The following LIPC variants were observed in gnomAD, a reference collection of about 807,000 sequenced individuals.
LIPC encodes the protein hepatic triacylglycerol lipase.
In LIPC, 44 loss-of-function variants were observed where a neutral mutation model predicts 50.7. The ratio of observed to expected loss-of-function variants is 0.87; its 90% confidence interval spans 0.68 to 1.11. The LOEUF (loss-of-function observed/expected upper bound fraction) is 1.11. Ranked by LOEUF, LIPC falls within the 50% of genes most tolerant of loss-of-function variation. LIPC has a pLI of 0.00. For synonymous variants in LIPC, 271 were observed against 256.4 expected, an observed-to-expected ratio of 1.06 and a Z score of -0.54; for missense variants, 697 against 648.2, an observed-to-expected ratio of 1.08 and a Z score of -0.82.
intron 2 of LIPC, among the ~76,000 whole-genome samples, chr15:58,540,404 G>T (rs1893280880): frequency 6.6e-6 from 1 of 151,690 alleles, no homozygotes; most frequent in African/African-American, 2.4e-5. Context: ...AACAATCCTG[G>T]AAGGAGAGCA....
At chr15:58,565,913 C>CAA (rs55871337) in intron 8 of LIPC, 190,808 of 905,036 alleles carry the variant, frequency 0.21, 6,534 homozygotes, top group East Asian at 0.48. Flanking sequence ...TCGGAGAATA[C>CAA]AAAAAAAAAA....
intron 1 of LIPC, among the ~76,000 whole-genome samples, chr15:58,506,082 T>C (rs910979702): frequency 4.6e-5 from 7 of 152,174 alleles, no homozygotes; most frequent in African/African-American, 1.2e-4. Flanking sequence ...GTCTCTGTGG[T>C]GTGTGCCCCA....
intron 4 of LIPC, among the ~76,000 whole-genome samples, chr15:58,542,952 T>G (rs1401980389): frequency 6.6e-6 from 1 of 152,226 alleles, no homozygotes; most frequent in African/African-American, 2.4e-5. Context: ...TCTTATTTTT[T>G]AATCTATAAT....
chr15:58,544,783 G>C (rs542190029), intron 4 of LIPC, among the ~76,000 whole-genome samples: 1 of 152,302 alleles, frequency 6.6e-6, no homozygotes. Context: ...CCCCCAAGTA[G>C]GGAAGGAAAC....
chr15:58,558,476 T>A (rs1313713228), intron 6 of LIPC, among the ~76,000 whole-genome samples: 1 of 151,908 alleles, frequency 6.6e-6, no homozygotes, highest in Non-Finnish European at 1.5e-5. Context: ...ACAGCAGGGG[T>A]CCCCAACCCC....
chr15:58,437,020 T>G, intron 1 of LIPC: 1 of 372,262 alleles, frequency 2.7e-6, no homozygotes, highest in South Asian at 2.1e-5. Flanking sequence ...ACCACTGAAG[T>G]TGGGGACTCC....
chr15:58,542,447 C>A, intron 3 of LIPC, 87 bp from the exon 4 acceptor site: 1 of 856,116 alleles, frequency 1.2e-6, no homozygotes, highest in South Asian at 1.3e-5. Context: ...GCACGAAGAA[C>A]AGGGTGGGCG....
At chr15:58,445,071 GGCTGGCCGGCC>G (rs1325023638) in intron 1 of LIPC, among the ~76,000 whole-genome samples, 1 of 152,252 alleles carries the variant, frequency 6.6e-6, no homozygotes, top group Non-Finnish European at 1.5e-5. Context: ...CACAGGAGCC[GGCTGGCCGGCC>G]GCTAGCAGGG....
At chr15:58,494,965 A>C (rs983082926) in intron 1 of LIPC, 16 of 438,942 alleles carry the variant, frequency 3.6e-5, no homozygotes, top group Middle Eastern at 3.4e-4. Context: ...CCCAGCCCTC[A>C]TGTCATTGAT....
chr15:58,474,191 C>G (rs1160889175), intron 1 of LIPC, among the ~76,000 whole-genome samples: 1 of 152,142 alleles, frequency 6.6e-6, no homozygotes, highest in Non-Finnish European at 1.5e-5. Context: ...GCATCTCACC[C>G]CTGGGAAGTG....
chr15:58,561,050 T>C (rs1456498456), intron 7 of LIPC, 69 bp downstream of exon 7: 3 of 850,462 alleles, frequency 3.5e-6, no homozygotes, highest in East Asian at 2.4e-5. Context: ...AAATGGACTC[T>C]GTAATTTTCA....
intron 8 of LIPC, chr15:58,565,614 GCTCAAAATTGT>G: frequency 9.3e-7 from 1 of 1,070,504 alleles, no homozygotes; most frequent in Non-Finnish European, 1.1e-6. Context: ...TGAGGACATT[GCTCAAAATTGT>G]CCCAGTCCAG....
At position 58,545,966 on chromosome 15, in the gene LIPC, G is replaced by T. The variant is rs540524619; in HGVS notation, c.799G>T (p.Gly267Cys). 31 of 1,612,672 alleles carry T rather than the reference G, an allele frequency of 1.9e-5. 1 individual carries two copies. The Admixed American group carries it at 4.0e-4, about 21-fold the overall frequency. ...GCTCTACAGACATATTGCCCAGCAC[G>T]GCTTCAATGGTGAGAATGAAGTCAT... ...LELYRHIAQH[G>C]FNAITQTIKC... is the part of the protein sequence containing the mutation. The change falls in exon 5 of 9, where the codon GGC becomes TGC. Residue 267 changes from glycine to cysteine, a missense_variant. Gly to Cys is a radical substitution (Grantham distance 159). Coordinates refer to ENST00000299022, the MANE Select transcript of LIPC (RefSeq NM_000236.3).
At chr15:58,491,707 C>G (rs1475501027) in intron 1 of LIPC, among the ~76,000 whole-genome samples, 1 of 152,214 alleles carries the variant, frequency 6.6e-6, no homozygotes, top group Non-Finnish European at 1.5e-5. Flanking sequence ...ACTTCTGGGA[C>G]AAGAGTCAAA....
At chr15:58,496,777 C>T (rs540438932) in intron 1 of LIPC, among the ~76,000 whole-genome samples, 2 of 97,258 alleles carry the variant, frequency 2.1e-5, no homozygotes, top group Non-Finnish European at 4.4e-5. Flanking sequence ...TGGAGTCTCC[C>T]TCTGTCACCC....
intron 1 of LIPC, among the ~76,000 whole-genome samples, chr15:58,519,419 A>AAG (rs1892586891): frequency 6.8e-6 from 1 of 147,680 alleles, no homozygotes. Context: ...TCAAAAAAAA[A>AAG]AAAAAGAAAA....
chr15:58,447,962 A>G (rs758084649), intron 1 of LIPC, among the ~76,000 whole-genome samples: 7 of 152,174 alleles, frequency 4.6e-5, no homozygotes, highest in African/African-American at 1.7e-4. Context: ...CTCAAATCCA[A>G]CTGGATATCC....
chr15:58,548,974 A>C (rs1287644071), intron 6 of LIPC, among the ~76,000 whole-genome samples: 1 of 152,192 alleles, frequency 6.6e-6, no homozygotes, highest in East Asian at 1.9e-4. Flanking sequence ...GCCCCCATGA[A>C]AAAACTGGAT....
chr15:58,513,535 C>T (rs1892396560), intron 1 of LIPC, among the ~76,000 whole-genome samples: 1 of 152,124 alleles, frequency 6.6e-6, no homozygotes, highest in African/African-American at 2.4e-5. Flanking sequence ...CAAGCCAGCC[C>T]CCTAAAAACA....
Sources: allele counts gnomAD v4.1 joint callset (sites outside exome capture counted in the v4.1 genomes callset), GRCh38; gene constraint gnomAD v4.1.1; transcripts MANE v1.5; gene names NCBI Gene and HGNC (gene_info 2026-07-23, HGNC 2026-07-21).